GCM1: variants seen among roughly 807,000 people sequenced by gnomAD.
The protein encoded by GCM1 is chorion-specific transcription factor GCMa.
GCM1 carries 2 observed loss-of-function variants against 25.7 expected under a neutral mutation model. The ratio of observed to expected loss-of-function variants is 0.08; its 90% CI spans 0.03 to 0.24. The LOEUF is 0.24. Among genes scored for constraint, GCM1 ranks in the 10% least tolerant of loss-of-function variants. GCM1 has a pLI of 1.00. For missense variants in GCM1, 395 were observed against 538.7 expected (o/e 0.73, Z 2.64); for synonymous variants, 183 against 195.7 (o/e 0.94, Z 0.54).
At chr6:53,131,749 T>G (rs1763730151) in intron 4 of GCM1, among the ~76,000 whole-genome samples, 1 of 152,208 alleles carries the variant, frequency 6.6e-6, no homozygotes, top group Non-Finnish European at 1.5e-5. Flanking sequence ...TGCGGCATGC[T>G]TAGAAGCACT....
chr6:53,139,924 TAA>T (rs1763851061), intron 2 of GCM1, among the ~76,000 whole-genome samples: 1 of 152,056 alleles, frequency 6.6e-6, no homozygotes, highest in African/African-American at 2.4e-5. Flanking sequence ...CTGAAAACAC[TAA>T]GTTATGCCAA....
Position 53,128,765 on chromosome 6 carries a change from G to A in GCM1, c.752C>T (p.Thr251Ile). The A allele has an allele frequency of 3.1e-6, 5 of 1,613,450 alleles. No homozygotes were observed. Among genetic ancestry groups the A allele is most frequent in the Non-Finnish European group, 4.2e-6 (5 of 1,179,348 alleles). The stretch of plus-strand genomic sequence containing the variant: ...GGGGTCCACAGTGGAAGTCTGGTCA[G>A]TCAGATCTGTGATTCCTCCCAGACC... ...SYGLGGITDL[T>I]DQTSTVDPMK... Residue 251 changes from threonine to isoleucine, a missense_variant, in exon 6 of 6, where the codon ACT (threonine) becomes ATT (isoleucine). Thr to Ile is a moderately conservative substitution (Grantham distance 89). Coordinates refer to ENST00000259803, the MANE Select transcript of GCM1 (RefSeq NM_003643.4).
At position 53,137,544 on chromosome 6, in the gene GCM1, T is replaced by A. The variant is rs555293027; in HGVS notation, c.76-3220A>T. Among the ~76,000 whole-genome samples, 13 of 152,274 alleles carry A rather than the reference T, an allele frequency of 8.5e-5. No homozygotes were observed. The South Asian group carries it at 2.5e-3, about 29-fold the overall frequency. On this transcript the variant is annotated intron_variant, in intron 2 of 5. Coordinates refer to ENST00000259803, the MANE Select transcript of GCM1 (RefSeq NM_003643.4). Reference sequence around the variant, plus strand: ...GGCTCACACCTGTAATCCCAGCACTTTGGGAGGCCAAGGCTGGAGGATTGC... The same window carrying A: ...GGCTCACACCTGTAATCCCAGCACTATGGGAGGCCAAGGCTGGAGGATTGC...
At chr6:53,129,031 A>G in intron 5 of GCM1, 85 bp from the exon 6 acceptor site, 1 of 1,025,178 alleles carries the variant, frequency 9.8e-7, no homozygotes, top group Non-Finnish European at 1.4e-6. Flanking sequence ...ACTCTGTACA[A>G]ATAAGAGCTC....
intron 2 of GCM1, among the ~76,000 whole-genome samples, chr6:53,142,137 C>T (rs990114845): frequency 4.0e-5 from 6 of 149,598 alleles, no homozygotes; most frequent in African/African-American, 1.2e-4. Flanking sequence ...AATTTTCCTA[C>T]GTGTTGTATA....
chr6:53,129,987 G>A (rs1166119486), intron 5 of GCM1, among the ~76,000 whole-genome samples: 1 of 152,196 alleles, frequency 6.6e-6, no homozygotes, highest in Non-Finnish European at 1.5e-5. Flanking sequence ...TAGAGAAAAA[G>A]GGCTGTGACC....
In GCM1 at chr6:53,142,000, GAAAAAAAAAAAAAAAAAAAAAAA is replaced by G. The variant is rs59663630; in HGVS notation, c.75+3535_75+3557del. ...GCTTGGGTAATGAGAGTGAGACCCT[GAAAAAAAAAAAAAAAAAAAAAAA>G]AAAAAAAAAAAAAAAAAACAGAAAG... is the stretch of plus-strand genomic sequence containing the variant. On this transcript the variant is annotated intron_variant, in intron 2 of 5. Coordinates refer to ENST00000259803, the MANE Select transcript of GCM1 (RefSeq NM_003643.4). 8.3e-3 allele frequency among the ~76,000 whole-genome samples: 102 copies of G among 12,298 alleles called. 2 individuals are homozygous for G. Among genetic ancestry groups the G allele is most frequent in the Middle Eastern group, 0.062 (2 of 32 alleles). The allele number at this position is 12,298 out of a possible 152,430, so 8.1% of individuals were successfully genotyped here.
chr6:53,138,780 A>T (rs1763834968), intron 2 of GCM1, among the ~76,000 whole-genome samples: 1 of 152,126 alleles, frequency 6.6e-6, no homozygotes. Context: ...TGGGGGGTTA[A>T]CTGATATTTC....
intron 1 of GCM1, among the ~76,000 whole-genome samples, chr6:53,146,216 ATTTTTTTTTTTTTTT>A (rs70980806): frequency 7.9e-5 from 8 of 101,386 alleles, no homozygotes; most frequent in South Asian, 3.5e-4. Context: ...ATATATATAT[ATTTTTTTTTTTTTTT>A]TTTTTTGAGA....
At chr6:53,148,633 T>C (rs1331805985) in intron 1 of GCM1, 121 bp downstream of exon 1, 4 of 152,224 alleles carry the variant, frequency 2.6e-5, no homozygotes, top group Non-Finnish European at 5.9e-5. Flanking sequence ...GCGCAAAGTA[T>C]ATTCAATTTT....
rs979409312 is a variant in GCM1 at position 53,127,132 on chromosome 6, A to C, written c.*1074T>G. On this transcript the variant is annotated 3_prime_UTR_variant, in exon 6 of 6. Coordinates refer to ENST00000259803, the MANE Select transcript of GCM1 (RefSeq NM_003643.4). ...TTCTCCAAGCAAATATTTCTCACCT[A>C]TTACAAACCCCACATTGATATAGGT... The C allele has an allele frequency of 2.6e-5, 4 of 152,172 alleles. No homozygotes were observed. Among genetic ancestry groups the C allele is most frequent in the African/African-American group, 9.7e-5 (4 of 41,434 alleles). 9.4% of individuals were successfully genotyped at this position (152,172 alleles called of 1,614,324 possible).
chr6:53,139,941 C>A (rs1382059694), intron 2 of GCM1, among the ~76,000 whole-genome samples: 3 of 152,134 alleles, frequency 2.0e-5, no homozygotes, highest in African/African-American at 7.2e-5. Context: ...TGCCAAGTTA[C>A]CTCAGCTTTC....
chr6:53,141,611 C>A (rs1209492844), intron 2 of GCM1, among the ~76,000 whole-genome samples: 2 of 152,020 alleles, frequency 1.3e-5, no homozygotes, highest in East Asian at 3.9e-4. Context: ...GGTGTGAACC[C>A]GGGAGGTGGA....
At chr6:53,138,604 T>G (rs1434298825) in intron 2 of GCM1, among the ~76,000 whole-genome samples, 1 of 152,226 alleles carries the variant, frequency 6.6e-6, no homozygotes, top group East Asian at 1.9e-4. Context: ...CACAAAATAC[T>G]TTCTTCTTTT....
chr6:53,145,645 C>G lies in GCM1; in HGVS notation c.-13G>C, dbSNP rs1322551664. On this transcript the variant is annotated 5_prime_UTR_variant, in exon 2 of 6. Transcript: ENST00000259803. ...CGTCAGGTTCCATGATAAGGTCAGGCCAGCCAAGGTTTTCACCTATTCGAC... is the reference window on the plus strand; with the variant it reads ...CGTCAGGTTCCATGATAAGGTCAGGGCAGCCAAGGTTTTCACCTATTCGAC... The G allele has an allele frequency of 1.9e-6, 3 of 1,539,860 alleles. No homozygotes were observed. Among genetic ancestry groups the G allele is most frequent in the Non-Finnish European group, 2.7e-6 (3 of 1,113,288 alleles).
At chr6:53,134,019 G>A in intron 3 of GCM1, 53 bp downstream of exon 3, 1 of 1,551,316 alleles carries the variant, frequency 6.4e-7, no homozygotes, top group South Asian at 1.1e-5. Context: ...CCATCTGGCA[G>A]GGGCATCTGA....
At chr6:53,129,006 A>T in intron 5 of GCM1, 60 bp from the exon 6 acceptor site, 1 of 1,368,432 alleles carries the variant, frequency 7.3e-7, no homozygotes, top group Non-Finnish European at 1.0e-6. Context: ...CCACTGCCAT[A>T]GGCACCCATG....
intron 1 of GCM1, 82 bp from the exon 2 acceptor site, chr6:53,145,850 T>C (rs1763947188): frequency 2.1e-6 from 1 of 470,762 alleles, no homozygotes; most frequent in East Asian, 3.8e-5. Flanking sequence ...GAAAAACCTG[T>C]TTCACTGACA....
chr6:53,146,205 T>TATAC (rs1467799265), intron 1 of GCM1, among the ~76,000 whole-genome samples: 3 of 58,216 alleles, frequency 5.2e-5, no homozygotes, highest in African/African-American at 2.0e-4. Context: ...TATATATATA[T>TATAC]ATATATATAT....
Sources: allele counts gnomAD v4.1 joint callset (sites outside exome capture counted in the v4.1 genomes callset), GRCh38; gene constraint gnomAD v4.1.1; transcripts MANE v1.5; gene names NCBI Gene and HGNC (gene_info 2026-07-23, HGNC 2026-07-21).